The following CELF2 variants were observed in gnomAD, a reference collection of about 807,000 sequenced individuals.
The protein encoded by CELF2 is CUG triplet repeat RNA-binding protein 2.
A neutral mutation model predicts 62.6 loss-of-function variants in CELF2; 8 were observed. The observed-to-expected ratio is 0.13, with a 90% CI of 0.07 to 0.23. CELF2 has a LOEUF of 0.23. Among genes scored for constraint, CELF2 ranks in the 10% least tolerant of loss-of-function variants. The pLI is 1.00. For synonymous variants in CELF2, 258 were observed against 250.0 expected (o/e 1.03, Z -0.30); for missense variants, 333 against 671.0 (o/e 0.50, Z 5.56).
intron 1 of CELF2, among the ~76,000 whole-genome samples, chr10:11,024,800 G>T (rs2058874062): frequency 6.6e-6 from 1 of 152,096 alleles, no homozygotes; most frequent in African/African-American, 2.4e-5. Flanking sequence ...TGAAGGTGGT[G>T]ACTCACTACT....
chr10:10,670,271 C>T, the CELF2 span, among the ~76,000 whole-genome samples: 3 of 152,088 alleles, frequency 2.0e-5, no homozygotes, highest in Non-Finnish European at 4.4e-5. Context: ...GATTTTCAGC[C>T]CCAATCTGAG....
At chr10:10,649,274 T>G in the CELF2 span, among the ~76,000 whole-genome samples, 1 of 152,188 alleles carries the variant, frequency 6.6e-6, no homozygotes, top group Non-Finnish European at 1.5e-5. Flanking sequence ...GCCTTGAGCA[T>G]CTCAGGGTAA....
At chr10:10,535,358 C>A in the CELF2 span, among the ~76,000 whole-genome samples, 4 of 152,196 alleles carry the variant, frequency 2.6e-5, no homozygotes, top group African/African-American at 9.7e-5. Context: ...TTGGGATAAT[C>A]CCACAGTTCA....
chr10:10,605,864 A>C, the CELF2 span, among the ~76,000 whole-genome samples: 3 of 152,206 alleles, frequency 2.0e-5, no homozygotes, highest in Non-Finnish European at 2.9e-5. Flanking sequence ...AAATACAATG[A>C]GTTATTTGGA....
chr10:11,090,691 C>T (rs1334405197), intron 1 of CELF2, among the ~76,000 whole-genome samples: 3 of 152,050 alleles, frequency 2.0e-5, no homozygotes, highest in African/African-American at 7.2e-5. Flanking sequence ...ACTTCATAGC[C>T]ATTTAAGATT....
intron 1 of CELF2, among the ~76,000 whole-genome samples, chr10:10,814,891 G>C (rs545696629): frequency 2.6e-5 from 4 of 152,302 alleles, no homozygotes; most frequent in Admixed American, 6.5e-5. Flanking sequence ...CATAGGTTCC[G>C]TCTAGAGCAC....
At chr10:10,968,274 T>G (rs1010734028) in intron 2 of CELF2, among the ~76,000 whole-genome samples, 1 of 152,210 alleles carries the variant, frequency 6.6e-6, no homozygotes, top group African/African-American at 2.4e-5. Flanking sequence ...AAAAAAATTC[T>G]TGGCTTGTAA....
chr10:10,701,383 G>A, the CELF2 span, among the ~76,000 whole-genome samples: 1 of 152,156 alleles, frequency 6.6e-6, no homozygotes, highest in African/African-American at 2.4e-5. Flanking sequence ...AGATATGCAG[G>A]TTTCTTTGTT....
chr10:10,673,423 C>CT, the CELF2 span, among the ~76,000 whole-genome samples: 1 of 151,974 alleles, frequency 6.6e-6, no homozygotes, highest in African/African-American at 2.4e-5. Context: ...TGTTTTATCT[C>CT]TTTTTTCCTT....
At chr10:10,527,212 C>A in the CELF2 span, among the ~76,000 whole-genome samples, 5 of 152,182 alleles carry the variant, frequency 3.3e-5, no homozygotes, top group South Asian at 1.0e-3. Context: ...GAGGCCGAGG[C>A]GGGTGGATAA....
chr10:10,965,879 T>C (rs1380621172), intron 2 of CELF2, among the ~76,000 whole-genome samples: 1 of 152,216 alleles, frequency 6.6e-6, no homozygotes, highest in Non-Finnish European at 1.5e-5. Flanking sequence ...ACCCAACTTA[T>C]GAATGGATCA....
intron 3 of CELF2, among the ~76,000 whole-genome samples, chr10:11,232,738 G>T (rs1304482481): frequency 1.3e-5 from 2 of 152,108 alleles, no homozygotes; most frequent in African/African-American, 4.8e-5. Context: ...CACATTCATG[G>T]ATAGGAGATG....
At chr10:10,798,330 A>T (rs1441933344), upstream of CELF2, 2 of 157,352 alleles carry the variant, frequency 1.3e-5, no homozygotes, top group South Asian at 4.1e-4. Context: ...CCGAGGCAGG[A>T]GAAATACCCC....
At chr10:11,139,537 GT>G (rs2132163392) in intron 1 of CELF2, among the ~76,000 whole-genome samples, 1 of 152,240 alleles carries the variant, frequency 6.6e-6, no homozygotes, top group African/African-American at 2.4e-5. Context: ...CTTATAAATA[GT>G]TTAGTTACTT....
chr10:11,149,211 C>T (rs1277299767), intron 1 of CELF2, among the ~76,000 whole-genome samples: 2 of 152,180 alleles, frequency 1.3e-5, no homozygotes, highest in Non-Finnish European at 2.9e-5. Context: ...GCTGGGACTA[C>T]AGGTGTGTGC....
chr10:10,955,686 C>T (rs568012318), intron 2 of CELF2, among the ~76,000 whole-genome samples: 3 of 152,248 alleles, frequency 2.0e-5, no homozygotes, highest in Admixed American at 6.5e-5. Flanking sequence ...AATTTAAACC[C>T]AGATAGTCTG....
intron 1 of CELF2, among the ~76,000 whole-genome samples, chr10:10,830,061 T>C (rs1445112848): frequency 6.7e-6 from 1 of 150,374 alleles, no homozygotes; most frequent in Non-Finnish European, 1.5e-5. Flanking sequence ...CTGGCATGAG[T>C]GTATCCGTGT....
the CELF2 span, among the ~76,000 whole-genome samples, chr10:10,669,465 C>T: frequency 2.0e-5 from 3 of 152,190 alleles, no homozygotes; most frequent in South Asian, 4.1e-4. Flanking sequence ...CTGCTTGGTT[C>T]CCACCTGACT....
At chr10:10,509,392 G>T in the CELF2 span, among the ~76,000 whole-genome samples, 1 of 152,126 alleles carries the variant, frequency 6.6e-6, no homozygotes, top group Non-Finnish European at 1.5e-5. Flanking sequence ...TAAAGGTGGG[G>T]CCCTTATGAA....
Sources: allele counts gnomAD v4.1 joint callset (sites outside exome capture counted in the v4.1 genomes callset), GRCh38; gene constraint gnomAD v4.1.1; transcripts MANE v1.5; gene names NCBI Gene and HGNC (gene_info 2026-07-23, HGNC 2026-07-21).